Variants in ARHGEF10L observed in about 807,000 individuals in gnomAD.
ARHGEF10L encodes rho guanine nucleotide exchange factor 10-like protein.
Under a neutral mutation model 141.2 loss-of-function variants are expected in ARHGEF10L, and 69 were observed. That is an observed-to-expected ratio of 0.49 (90% confidence interval 0.40 to 0.60). The LOEUF (loss-of-function observed/expected upper bound fraction) is 0.60. ARHGEF10L is among the 20% of genes least tolerant of loss of function. ARHGEF10L has a pLI of 0.00. For missense variants in ARHGEF10L, 1,482 were observed against 1,734.3 expected (o/e 0.85, Z 2.58); for synonymous variants, 711 against 718.5 (o/e 0.99, Z 0.17).
At chr1:17,594,117 G>T (rs765876586) in intron 4 of ARHGEF10L, among the ~76,000 whole-genome samples, 1 of 151,832 alleles carries the variant, frequency 6.6e-6, no homozygotes, top group African/African-American at 2.4e-5. Flanking sequence ...GCCTGTGTGT[G>T]TGTTTGGCTC....
intron 4 of ARHGEF10L, among the ~76,000 whole-genome samples, chr1:17,601,063 A>C (rs892489303): frequency 8.1e-5 from 12 of 148,134 alleles, no homozygotes; most frequent in East Asian, 1.9e-4. Context: ...AAAAAAAAAA[A>C]AAAAACAAAA....
chr1:17,691,942 C>G (rs2065139554), intron 27 of ARHGEF10L, among the ~76,000 whole-genome samples: 1 of 152,186 alleles, frequency 6.6e-6, no homozygotes, highest in African/African-American at 2.4e-5. Context: ...CATGAGCACA[C>G]AGATAAGTCA....
At chr1:17,693,803 A>G (rs1339801) in intron 27 of ARHGEF10L, among the ~76,000 whole-genome samples, 122,215 of 152,164 alleles carry the variant, frequency 0.8, 49,449 homozygotes, top group East Asian at 0.91. Flanking sequence ...CAGAAAGTGG[A>G]AACCTTCTGG....
intron 1 of ARHGEF10L, among the ~76,000 whole-genome samples, chr1:17,553,306 G>A (rs936625983): frequency 2.0e-5 from 3 of 152,196 alleles, no homozygotes; most frequent in Non-Finnish European, 4.4e-5. Flanking sequence ...TGTGAGATGG[G>A]TAGATTGAGA....
At chr1:17,571,316 G>A (rs1356673241) in intron 1 of ARHGEF10L, among the ~76,000 whole-genome samples, 1 of 152,168 alleles carries the variant, frequency 6.6e-6, no homozygotes, top group Non-Finnish European at 1.5e-5. Flanking sequence ...CAGAACCGGT[G>A]TAGTGGAGGC....
chr1:17,564,597 C>G (rs898117038), intron 1 of ARHGEF10L, among the ~76,000 whole-genome samples: 58 of 152,178 alleles, frequency 3.8e-4, no homozygotes. Context: ...GGCTCTGCAG[C>G]CACGTGGCCT....
At chr1:17,616,959 C>T (rs61764909) in intron 9 of ARHGEF10L, among the ~76,000 whole-genome samples, 11 of 152,300 alleles carry the variant, frequency 7.2e-5, no homozygotes, top group East Asian at 1.9e-4. Context: ...GCCTACAGTT[C>T]CTCACTTCAT....
chr1:17,520,942 C>T, the ARHGEF10L span, among the ~76,000 whole-genome samples: 1 of 152,216 alleles, frequency 6.6e-6, no homozygotes, highest in Non-Finnish European at 1.5e-5. Context: ...ACTCCCCGCC[C>T]AGGGCTCCTT....
At chr1:17,610,807 C>T (rs930028499) in intron 7 of ARHGEF10L, among the ~76,000 whole-genome samples, 1 of 152,182 alleles carries the variant, frequency 6.6e-6, no homozygotes, top group Non-Finnish European at 1.5e-5. Flanking sequence ...TTCAGAGATC[C>T]GAAGAGGCCG....
chr1:17,650,691 C>A (rs2061864212), intron 22 of ARHGEF10L, among the ~76,000 whole-genome samples: 2 of 150,812 alleles, frequency 1.3e-5, no homozygotes, highest in African/African-American at 4.9e-5. Context: ...CGAAATCATG[C>A]CACTGCATTC....
At chr1:17,581,309 CAAAAAAAA>C (rs71014975) in intron 2 of ARHGEF10L, among the ~76,000 whole-genome samples, 4 of 69,292 alleles carry the variant, frequency 5.8e-5, no homozygotes, top group Non-Finnish European at 1.0e-4. Context: ...AAGACTGTCT[CAAAAAAAA>C]AAAAAAAAAA....
intron 23 of ARHGEF10L, among the ~76,000 whole-genome samples, chr1:17,655,675 T>C (rs1026393726): frequency 6.6e-6 from 1 of 152,252 alleles, no homozygotes; most frequent in African/African-American, 2.4e-5. Context: ...CTTAGCTCCT[T>C]ACCTGATTTC....
At chr1:17,649,696 T>C (rs2061801756) in intron 22 of ARHGEF10L, among the ~76,000 whole-genome samples, 1 of 151,642 alleles carries the variant, frequency 6.6e-6, no homozygotes, top group South Asian at 2.1e-4. Flanking sequence ...CCAAAGGAAA[T>C]AGAAAAGAGT....
At position 17,607,743 on chromosome 1, in the gene ARHGEF10L, G is replaced by C; in HGVS notation, c.434-59G>C. 7.0e-7 allele frequency: 1 copy of C among 1,425,922 alleles called. No homozygotes were observed. 88.3% of individuals were successfully genotyped at this position (1,425,922 alleles called of 1,614,324 possible). ...GGGTTCAGAAATTGGGTCTGAGGCTGGAAGTCTGGTAGGCTTGGCCTCAGG... is the reference window on the plus strand; with the variant it reads ...GGGTTCAGAAATTGGGTCTGAGGCTCGAAGTCTGGTAGGCTTGGCCTCAGG... On this transcript the variant is annotated intron_variant, in intron 6 of 28. Coordinates refer to ENST00000361221, the MANE Select transcript of ARHGEF10L (RefSeq NM_018125.4). The surrounding 1 kb of genome is among the most constrained non-coding windows in gnomAD (Gnocchi z 4.5).
chr1:17,626,781 C>T (rs190168730), intron 14 of ARHGEF10L, among the ~76,000 whole-genome samples: 32 of 152,324 alleles, frequency 2.1e-4, no homozygotes, highest in African/African-American at 7.7e-4. Context: ...CTCCCCACAG[C>T]CTCCGGCAAC....
At chr1:17,515,291 CTTTTTTT>C in the ARHGEF10L span, among the ~76,000 whole-genome samples, 2 of 131,998 alleles carry the variant, frequency 1.5e-5, no homozygotes, top group Admixed American at 8.1e-5. Flanking sequence ...CTTTTTCTCT[CTTTTTTT>C]TTTTTTTTTG....
At chr1:17,525,406 C>T in the ARHGEF10L span, among the ~76,000 whole-genome samples, 1 of 152,330 alleles carries the variant, frequency 6.6e-6, no homozygotes, top group South Asian at 2.1e-4. Context: ...CTCTGCTCCC[C>T]ACGCCATTCT....
In ARHGEF10L at chr1:17,633,527, A is replaced by G. The variant is rs540610651; in HGVS notation, c.1731-1021A>G. Among the ~76,000 whole-genome samples the G allele has an allele frequency of 1.2e-3, 183 of 151,214 alleles. 1 individual carries two copies. The highest frequency in any genetic ancestry group is 4.3e-3 in the African/African-American group (177 of 41,172). ...CCTAGCTAATTTTTTTTTTAATTGT[A>G]TTTTTATTAGAGAGGGGTTTCACCA... is the stretch of plus-strand genomic sequence containing the variant. On this transcript the variant is annotated intron_variant, in intron 16 of 28. Transcript: ENST00000361221.
intron 10 of ARHGEF10L, among the ~76,000 whole-genome samples, chr1:17,620,372 A>G (rs2060042100): frequency 6.6e-6 from 1 of 152,110 alleles, no homozygotes; most frequent in Non-Finnish European, 1.5e-5. Context: ...GAGGCCACTG[A>G]GCAGGATGTG....
Sources: gnomAD v4.1 joint callset for allele counts (sites outside exome capture counted in the v4.1 genomes callset) on GRCh38, gnomAD v4.1.1 for gene constraint, Gnocchi (gnomAD v3.1) non-coding constraint, MANE v1.5 for transcripts, NCBI Gene and HGNC (gene_info 2026-07-23, HGNC 2026-07-21) for gene names.